Variants in MYO1F observed in about 807,000 individuals in gnomAD.
MYO1F encodes the protein unconventional myosin-If.
In MYO1F, 60 loss-of-function variants were observed where a neutral mutation model predicts 146.6. The observed-to-expected ratio is 0.41, with a 90% CI of 0.33 to 0.51. The LOEUF (loss-of-function observed/expected upper bound fraction) is 0.51, where lower values mean the gene tolerates loss of function less well. Among genes scored for constraint, MYO1F ranks in the 20% least tolerant of loss-of-function variants. The probability of loss-of-function intolerance (pLI) is 0.25; values close to 1 mark genes in which losing one functional copy is unlikely to be tolerated. For synonymous variants in MYO1F, 602 were observed against 602.1 expected, an observed-to-expected ratio of 1.00 and a Z score of 0.00; for missense variants, 1,274 against 1,534.3, an observed-to-expected ratio of 0.83 and a Z score of 2.83.
Position 8,577,206 on chromosome 19 carries a change from C to A in MYO1F, c.3+101G>T. ...CACCCCCACAGAAGTCCACCATGCC[C>A]CTCCCCTCACCCCAATTTCTGATGG... On this transcript the variant is annotated intron_variant, in intron 1 of 27. Transcript: ENST00000644032. This position sits in a 1 kb window ranked among gnomAD's most constrained non-coding sequence, Gnocchi z 4.3. The A allele has an allele frequency of 7.0e-7, 1 of 1,427,836 alleles. No individual in the cohort carries two copies. Among genetic ancestry groups the A allele is most frequent in the South Asian group, 1.2e-5 (1 of 82,218 alleles). The allele number at this position is 1,427,836 out of a possible 1,614,324, so 88.4% of individuals were successfully genotyped here. A position where few individuals can be genotyped will look rare whatever the true frequency, so the allele number is the denominator to read the frequency against.
chr19:8,540,087 C>A, intron 15 of MYO1F, 59 bp from the exon 16 acceptor site: 3 of 1,417,116 alleles, frequency 2.1e-6, no homozygotes, highest in Non-Finnish European at 2.9e-6. Flanking sequence ...GGGTACTCTT[C>A]CTCCAGGGGT....
chr19:8,541,539 A>G (rs575338927), intron 15 of MYO1F, among the ~76,000 whole-genome samples: 2 of 145,728 alleles, frequency 1.4e-5, no homozygotes, highest in African/African-American at 5.1e-5. Context: ...AGAGATTCTT[A>G]TGCTTCCACC....
intron 14 of MYO1F, among the ~76,000 whole-genome samples, chr19:8,543,666 G>GTGGTGC (rs1973084822): frequency 5.7e-5 from 4 of 70,564 alleles, no homozygotes; most frequent in African/African-American, 1.9e-4. Flanking sequence ...GGTGGTGGTG[G>GTGGTGC]TGGTGGTGCT....
intron 1 of MYO1F, among the ~76,000 whole-genome samples, chr19:8,566,034 A>G (rs2041996090): frequency 6.6e-6 from 1 of 152,112 alleles, no homozygotes; most frequent in South Asian, 2.1e-4. Flanking sequence ...ACTTGAGCCC[A>G]GGAGTTCGGA....
At chr19:8,541,425 GTTT>G (rs4040643) in intron 15 of MYO1F, among the ~76,000 whole-genome samples, 4 of 87,930 alleles carry the variant, frequency 4.5e-5, no homozygotes, top group African/African-American at 1.3e-4. Context: ...GTGTGTGTGT[GTTT>G]TTTTTTTTTT....
Position 8,521,367 on chromosome 19 carries a change from C to A in MYO1F, c.*161G>T. 1 of 734,392 alleles carries A rather than the reference C, an allele frequency of 1.4e-6. No individual in the cohort carries two copies. The highest frequency in any genetic ancestry group is 1.5e-5 in the South Asian group (1 of 66,484). 45.5% of individuals were successfully genotyped at this position (734,392 alleles called of 1,614,324 possible). On this transcript the variant is annotated 3_prime_UTR_variant, in exon 28 of 28. Coordinates refer to ENST00000644032, the MANE Select transcript of MYO1F (RefSeq NM_012335.4). ...CCAGGGGCGGGGGCTGCAGCAGTGA[C>A]CTGGTGACCCAGGGCCTGGGCAGGA...
At chr19:8,566,941 T>C (rs372469776) in intron 1 of MYO1F, among the ~76,000 whole-genome samples, 29 of 152,182 alleles carry the variant, frequency 1.9e-4, no homozygotes, top group African/African-American at 7.0e-4. Flanking sequence ...CCTATGAAAG[T>C]GCTAGGATTA....
rs148428772 is a variant in MYO1F at position 8,521,352 on chromosome 19, G to T, written c.*176C>A. On this transcript the variant is annotated 3_prime_UTR_variant, in exon 28 of 28. Transcript: ENST00000644032. ...GAGGAAGACCAGGGCCCAGGGGCGGGGGCTGCAGCAGTGACCTGGTGACCC... is the reference window on the plus strand; with the variant it reads ...GAGGAAGACCAGGGCCCAGGGGCGGTGGCTGCAGCAGTGACCTGGTGACCC... 3.7e-3 allele frequency: 2,485 copies of T among 680,240 alleles called. 50 individuals are homozygous for T. The African/African-American group carries it at 0.039, about 11-fold the overall frequency. 42.1% of individuals were successfully genotyped at this position (680,240 alleles called of 1,614,324 possible).
In MYO1F at chr19:8,553,123, G is replaced by T. The variant is rs565128167; in HGVS notation, c.504+16C>A. On this transcript the variant is annotated intron_variant, in intron 6 of 27. Coordinates refer to ENST00000644032, the MANE Select transcript of MYO1F (RefSeq NM_012335.4). ...CGGAGGGAGCAGCTGCTCCAAGCAGGTCTGCAGAGACTTACAAAGCGGCTG... is the reference window on the plus strand; with the variant it reads ...CGGAGGGAGCAGCTGCTCCAAGCAGTTCTGCAGAGACTTACAAAGCGGCTG... 5 of 1,612,282 alleles carry T rather than the reference G, an allele frequency of 3.1e-6. No homozygotes were observed. The highest frequency in any genetic ancestry group is 3.3e-5 in the Admixed American group (2 of 60,000).
At chr19:8,566,368 C>T (rs556151815) in intron 1 of MYO1F, among the ~76,000 whole-genome samples, 1 of 151,580 alleles carries the variant, frequency 6.6e-6, no homozygotes, top group East Asian at 1.9e-4. Context: ...GGGCTTTCAC[C>T]GTGTTAGCCA....
rs1322463982 is a variant in MYO1F, at chr19:8,525,587, G to A, written c.2771-25C>T. 7 of 1,593,362 alleles carry A rather than the reference G, an allele frequency of 4.4e-6. No homozygotes were observed. In the South Asian group the frequency reaches 7.7e-5, roughly 18 times the overall value. On this transcript the variant is annotated intron_variant, in intron 24 of 27. Coordinates refer to ENST00000644032, the MANE Select transcript of MYO1F (RefSeq NM_012335.4). ...TCTGAAAGAAGAGTGTCAGGGAGTT[G>A]AATGACAGACAGACCACGCTCTTTG...
intron 1 of MYO1F, among the ~76,000 whole-genome samples, chr19:8,562,606 G>A (rs11673177): frequency 0.25 from 38,463 of 151,918 alleles, 5,578 homozygotes; most frequent in East Asian, 0.61. Context: ...TGTAATCATA[G>A]CTAACTGTAG....
chr19:8,532,903 TACACACACACACACACAC>T (rs60799506), intron 19 of MYO1F, among the ~76,000 whole-genome samples: 18 of 113,164 alleles, frequency 1.6e-4, no homozygotes, highest in East Asian at 1.0e-3. Context: ...AAAAAAAAAA[TACACACACACACACACAC>T]ACACACACAC....
rs773222671 is a variant in MYO1F, at chr19:8,530,148, G to A, written c.2328+48C>T. On this transcript the variant is annotated intron_variant, in intron 21 of 27. Coordinates refer to ENST00000644032, the MANE Select transcript of MYO1F (RefSeq NM_012335.4). The surrounding 1 kb of genome is among the most constrained non-coding windows in gnomAD (Gnocchi z 5.8). ...AGGTGCATCTGGGCCAGGTGAGGGT[G>A]CCAGGCTGTAGTCAGGGTCTTGCTG... is the stretch of plus-strand genomic sequence containing the variant. 1.6e-5 allele frequency: 25 copies of A among 1,611,854 alleles called. No individual in the cohort carries two copies. In the South Asian group the frequency reaches 1.6e-4, roughly 11 times the overall value.
intron 19 of MYO1F, among the ~76,000 whole-genome samples, chr19:8,534,136 G>A (rs1361351591): frequency 3.4e-5 from 5 of 148,584 alleles, no homozygotes; most frequent in African/African-American, 5.0e-5. Flanking sequence ...CCAAGATTGC[G>A]CCATTCCACT....
intron 19 of MYO1F, among the ~76,000 whole-genome samples, chr19:8,532,945 CACACAA>C (rs1972551319): frequency 2.8e-5 from 4 of 144,122 alleles, no homozygotes; most frequent in African/African-American, 1.1e-4. Context: ...CACACACACA[CACACAA>C]TTGGGCTTTA....
At chr19:8,568,275 T>C (rs111602347) in intron 1 of MYO1F, among the ~76,000 whole-genome samples, 18 of 151,816 alleles carry the variant, frequency 1.2e-4, no homozygotes, top group African/African-American at 3.9e-4. Context: ...TACAAAAAAT[T>C]AGCCAGGTGC....
chr19:8,548,898 A>G lies in MYO1F; in HGVS notation c.1102-581T>C, dbSNP rs183428859. Among the ~76,000 whole-genome samples the G allele has an allele frequency of 2.6e-4, 37 of 142,022 alleles. No homozygotes were observed. In the East Asian group the frequency reaches 7.6e-3, roughly 29 times the overall value. 93.2% of individuals were successfully genotyped at this position (142,022 alleles called of 152,430 possible). On this transcript the variant is annotated intron_variant, in intron 10 of 27. Transcript: ENST00000644032. ...CCACTGCGCCCGGCCTTGCACCTCT[A>G]TTTTCTTATCTTTAAAAGGGGTTGA...
At chr19:8,532,230 T>C (rs1320298179) in intron 19 of MYO1F, among the ~76,000 whole-genome samples, 4 of 151,612 alleles carry the variant, frequency 2.6e-5, no homozygotes, top group African/African-American at 4.8e-5. Flanking sequence ...GGTTGGGCAG[T>C]GTACAACCTG....
Sources: gnomAD v4.1 joint callset for allele counts (sites outside exome capture counted in the v4.1 genomes callset) on GRCh38, gnomAD v4.1.1 for gene constraint, Gnocchi (gnomAD v3.1) non-coding constraint, MANE v1.5 for transcripts, NCBI Gene and HGNC (gene_info 2026-07-23, HGNC 2026-07-21) for gene names.